The following KCNN2 variants were observed in gnomAD, a reference collection of about 807,000 sequenced individuals.
KCNN2 encodes small conductance calcium-activated potassium channel protein 2.
In KCNN2, 24 loss-of-function variants were observed where a neutral mutation model predicts 55.5. That is an observed-to-expected ratio of 0.43 (90% CI 0.31 to 0.61). The LOEUF (loss-of-function observed/expected upper bound fraction) is 0.61. KCNN2 is among the 20% of genes least tolerant of loss of function. The pLI, the probability that KCNN2 is intolerant of heterozygous loss-of-function variation, is 0.08. For synonymous variants in KCNN2, 431 were observed against 336.1 expected, an observed-to-expected ratio of 1.28 and a Z score of -3.09; for missense variants, 754 against 853.6, an observed-to-expected ratio of 0.88 and a Z score of 1.45.
intron 3 of KCNN2, among the ~76,000 whole-genome samples, chr5:114,432,651 C>T (rs112171429): frequency 3.3e-5 from 5 of 152,286 alleles, no homozygotes; most frequent in South Asian, 2.1e-4. Flanking sequence ...AGGCCAGAGC[C>T]GGCTCCCTCA....
At chr5:114,089,234 C>T (rs112017372) in intron 1 of KCNN2, among the ~76,000 whole-genome samples, 3,321 of 152,300 alleles carry the variant, frequency 0.022, 58 homozygotes, top group South Asian at 0.073. Flanking sequence ...TGGCAATTAA[C>T]TGCTCATGAA....
chr5:114,354,670 A>C (rs1757267399), intron 2 of KCNN2, among the ~76,000 whole-genome samples: 1 of 152,170 alleles, frequency 6.6e-6, no homozygotes, highest in Non-Finnish European at 1.5e-5. Context: ...CTTGTTAAGA[A>C]AATTTAACTT....
upstream of KCNN2, among the ~76,000 whole-genome samples, chr5:114,358,057 T>G (rs1298440529): frequency 6.6e-6 from 1 of 151,734 alleles, no homozygotes; most frequent in Non-Finnish European, 1.5e-5. Flanking sequence ...CCAGTGATGA[T>G]GAGCATTTTT....
intron 1 of KCNN2, among the ~76,000 whole-genome samples, chr5:114,088,319 C>A (rs1360671058): frequency 1.3e-5 from 2 of 151,202 alleles, no homozygotes; most frequent in African/African-American, 2.4e-5. Flanking sequence ...CATTTATTCT[C>A]AAAAATCTCA....
In KCNN2 at chr5:114,216,847, C is replaced by T. The variant is rs576904558; in HGVS notation, c.-270-4633C>T. On this transcript the variant is annotated intron_variant, in intron 1 of 10. Transcript: ENST00000512097. Reference sequence around the variant, plus strand: ...TAATACTGTCTTTGTTCACAGATGACGTGATTATCTATGCAGAAAAAAATT... The same window carrying T: ...TAATACTGTCTTTGTTCACAGATGATGTGATTATCTATGCAGAAAAAAATT... Among the ~76,000 whole-genome samples the T allele has an allele frequency of 2.8e-4, 42 of 152,052 alleles. 1 individual carries two copies. The South Asian group carries it at 5.4e-3, about 20-fold the overall frequency.
intron 1 of KCNN2, among the ~76,000 whole-genome samples, chr5:114,180,135 G>A (rs1187111940): frequency 2.6e-5 from 4 of 152,192 alleles, no homozygotes; most frequent in Non-Finnish European, 5.9e-5. Context: ...GTTCAATAAT[G>A]AGTGGTAAGA....
rs563031141 is a variant in KCNN2 at position 114,301,736 on chromosome 5, A to T, written c.-184-59209A>T. Among the ~76,000 whole-genome samples, 13 of 152,238 alleles carry T rather than the reference A, an allele frequency of 8.5e-5. No homozygotes were observed. The South Asian group carries it at 2.5e-3, about 29-fold the overall frequency. On this transcript the variant is annotated intron_variant, in intron 2 of 10. Transcript: ENST00000512097. ...TTGGCTGAGGAGTTATTCAATAAAA[A>T]CTTACAGAAGACTGTAGGATTAGTC...
chr5:114,349,347 A>G (rs1757168083), intron 2 of KCNN2, among the ~76,000 whole-genome samples: 1 of 152,082 alleles, frequency 6.6e-6, no homozygotes, highest in Admixed American at 6.6e-5. Flanking sequence ...TTGAGCACCA[A>G]CATGACACCA....
At chr5:114,179,769 C>T (rs775165396) in intron 1 of KCNN2, among the ~76,000 whole-genome samples, 3 of 152,012 alleles carry the variant, frequency 2.0e-5, no homozygotes, top group Non-Finnish European at 4.4e-5. Flanking sequence ...TAAGACTCAG[C>T]CATATAGTAG....
intron 2 of KCNN2, among the ~76,000 whole-genome samples, chr5:114,345,596 C>T (rs781165727): frequency 2.0e-5 from 3 of 151,908 alleles, no homozygotes; most frequent in Non-Finnish European, 4.4e-5. Flanking sequence ...CAGAAAGAAC[C>T]GATCTAACTA....
At chr5:114,360,303 C>G (rs942982595), upstream of KCNN2, among the ~76,000 whole-genome samples, 4 of 152,044 alleles carry the variant, frequency 2.6e-5, no homozygotes, top group African/African-American at 9.7e-5. Context: ...AGCGCACACA[C>G]GCACACTCTG....
intron 1 of KCNN2, among the ~76,000 whole-genome samples, chr5:114,078,007 T>G (rs1317272137): frequency 1.3e-5 from 2 of 152,184 alleles, no homozygotes; most frequent in African/African-American, 4.8e-5. Context: ...ATGTTATTGG[T>G]TTAATAATGC....
chr5:114,451,234 G>C lies in KCNN2; in HGVS notation c.1638-11815G>C, dbSNP rs150650241. On this transcript the variant is annotated intron_variant, in intron 3 of 7. Coordinates refer to ENST00000673685, the MANE Select transcript of KCNN2 (RefSeq NM_021614.4). ...TGTAATTCTTCAAGTTTGAAAATTT[G>C]TGGATGTTCTATCATTCCCTTTTCC... 6.6e-4 allele frequency among the ~76,000 whole-genome samples: 101 copies of C among 152,300 alleles called. 1 individual carries two copies. Among genetic ancestry groups the C allele is most frequent in the Admixed American group, 4.8e-3 (73 of 15,298 alleles).
intron 2 of KCNN2, among the ~76,000 whole-genome samples, chr5:114,309,899 A>C (rs907810901): frequency 2.0e-5 from 3 of 152,190 alleles, no homozygotes; most frequent in East Asian, 1.9e-4. Context: ...GGATTTTGAA[A>C]GACGAAAATA....
chr5:114,213,430 T>C (rs904057501), intron 1 of KCNN2, among the ~76,000 whole-genome samples: 7 of 151,904 alleles, frequency 4.6e-5, no homozygotes, highest in Non-Finnish European at 1.0e-4. Context: ...TTCTTCTTCT[T>C]CTTTTTTTAA....
chr5:114,319,833 T>G (rs1756578580), intron 2 of KCNN2, among the ~76,000 whole-genome samples: 1 of 152,232 alleles, frequency 6.6e-6, no homozygotes, highest in African/African-American at 2.4e-5. Context: ...ACATGCTGTC[T>G]CATTCTATAA....
At chr5:114,074,293 C>CGT (rs371882287) in intron 1 of KCNN2, among the ~76,000 whole-genome samples, 12,599 of 144,440 alleles carry the variant, frequency 0.087, 601 homozygotes, top group Non-Finnish European at 0.11. Context: ...GCCATGTTTG[C>CGT]GTGTGTGTGT....
At chr5:114,063,240 T>C (rs1266939252) in intron 1 of KCNN2, among the ~76,000 whole-genome samples, 1 of 152,192 alleles carries the variant, frequency 6.6e-6, no homozygotes, top group Admixed American at 6.5e-5. Context: ...AGATGATGAT[T>C]ATCATGTATG....
intron 1 of KCNN2, among the ~76,000 whole-genome samples, chr5:114,205,393 G>A (rs572690526): frequency 6.6e-6 from 1 of 152,266 alleles, no homozygotes; most frequent in South Asian, 2.1e-4. Context: ...TCATTTTTGT[G>A]TTACATTAAG....
Sources: allele counts gnomAD v4.1 joint callset (sites outside exome capture counted in the v4.1 genomes callset), GRCh38; gene constraint gnomAD v4.1.1; transcripts MANE v1.5; gene names NCBI Gene and HGNC (gene_info 2026-07-23, HGNC 2026-07-21).